Variants in SLC25A31 observed in about 807,000 individuals in gnomAD.
SLC25A31 encodes the protein solute carrier family 25 member 31, also known as ADP/ATP translocase 4.
Under a neutral mutation model 36.2 loss-of-function variants are expected in SLC25A31, and 40 were observed. The observed-to-expected ratio is 1.10, with a 90% CI of 0.86 to 1.44. SLC25A31 has a LOEUF of 1.44. SLC25A31 is among the 40% of genes most tolerant of loss of function. SLC25A31 has a pLI of 0.00. For synonymous variants in SLC25A31, 143 were observed against 149.7 expected (o/e 0.96, Z 0.32); for missense variants, 350 against 397.1 (o/e 0.88, Z 1.01).
At chr4:127,763,772 G>T (rs999523260) in intron 2 of SLC25A31, among the ~76,000 whole-genome samples, 7 of 152,104 alleles carry the variant, frequency 4.6e-5, no homozygotes, top group African/African-American at 1.7e-4. Context: ...AGTATTTTAG[G>T]TTGGTGCAAA....
intron 2 of SLC25A31, among the ~76,000 whole-genome samples, chr4:127,756,191 C>G (rs1732028672): frequency 6.6e-6 from 1 of 152,146 alleles, no homozygotes; most frequent in African/African-American, 2.4e-5. Context: ...CGGAAGCAAC[C>G]TAAGTGTCCA....
At position 127,762,389 on chromosome 4, in the gene SLC25A31, CAG is replaced by C. The variant is rs539631653; in HGVS notation, c.361-1852_361-1851del. On this transcript the variant is annotated intron_variant, in intron 2 of 5. Coordinates refer to ENST00000281154, the MANE Select transcript of SLC25A31 (RefSeq NM_031291.4). ...TCCAGGATAAGCAAATATATAGAGA[CAG>C]AAAGTAGTTTAATGGTTGCCTAGGA... Among the ~76,000 whole-genome samples, 56 of 152,092 alleles carry C rather than the reference CAG, an allele frequency of 3.7e-4. 1 individual carries two copies. Among genetic ancestry groups the C allele is most frequent in the African/African-American group, 1.4e-3 (56 of 41,478 alleles).
intron 5 of SLC25A31, among the ~76,000 whole-genome samples, chr4:127,771,549 T>C (rs1005865130): frequency 6.6e-6 from 1 of 152,352 alleles, no homozygotes; most frequent in Non-Finnish European, 1.5e-5. Context: ...AATCTGCAAC[T>C]AATATCAGTG....
intron 2 of SLC25A31, among the ~76,000 whole-genome samples, chr4:127,748,699 A>G (rs1249893179): frequency 6.6e-6 from 1 of 152,196 alleles, no homozygotes; most frequent in Non-Finnish European, 1.5e-5. Flanking sequence ...AGCAGCAGCC[A>G]TGTGACTTGG....
intron 2 of SLC25A31, among the ~76,000 whole-genome samples, chr4:127,755,171 C>T: frequency 6.6e-6 from 1 of 152,154 alleles, no homozygotes; most frequent in East Asian, 1.9e-4. Context: ...AATATGAGAC[C>T]TGAAACATAA....
chr4:127,730,805 C>A, intron 1 of SLC25A31, 28 bp downstream of exon 1: 1 of 1,582,414 alleles, frequency 6.3e-7, no homozygotes, highest in Non-Finnish European at 8.6e-7. Flanking sequence ...GCCCCGACAG[C>A]CTCTCCCGGC....
At chr4:127,735,016 A>G (rs1397094289) in intron 1 of SLC25A31, among the ~76,000 whole-genome samples, 1 of 152,222 alleles carries the variant, frequency 6.6e-6, no homozygotes, top group South Asian at 2.1e-4. Flanking sequence ...TTCTATTATC[A>G]GGTTTTAACT....
intron 1 of SLC25A31, among the ~76,000 whole-genome samples, chr4:127,732,056 C>T (rs1731536993): frequency 6.6e-6 from 1 of 152,046 alleles, no homozygotes; most frequent in Non-Finnish European, 1.5e-5. Flanking sequence ...CAAAATGGCT[C>T]CCAAGTTAGC....
intron 2 of SLC25A31, among the ~76,000 whole-genome samples, chr4:127,751,144 G>T (rs1053808197): frequency 1.3e-5 from 2 of 152,140 alleles, no homozygotes; most frequent in Non-Finnish European, 2.9e-5. Flanking sequence ...AACAAAGCTG[G>T]AGACATCACG....
intron 5 of SLC25A31, 46 bp downstream of exon 5, chr4:127,768,923 T>C (rs1470989008): frequency 2.0e-6 from 3 of 1,500,264 alleles, no homozygotes; most frequent in Non-Finnish European, 1.8e-6. Context: ...TTTTAATATC[T>C]CTGATATTTA....
At chr4:127,753,794 A>AG (rs1731980118) in intron 2 of SLC25A31, among the ~76,000 whole-genome samples, 1 of 152,110 alleles carries the variant, frequency 6.6e-6, no homozygotes, top group African/African-American at 2.4e-5. Flanking sequence ...AGAAGGCAAC[A>AG]CCTTCAGACT....
At chr4:127,760,326 T>A (rs1490972219) in intron 2 of SLC25A31, among the ~76,000 whole-genome samples, 1 of 152,230 alleles carries the variant, frequency 6.6e-6, no homozygotes, top group Non-Finnish European at 1.5e-5. Context: ...TTTCACTGAA[T>A]CTTCACTTCA....
At chr4:127,766,999 T>G in intron 3 of SLC25A31, 67 bp from the exon 4 acceptor site, 1 of 1,346,912 alleles carries the variant, frequency 7.4e-7, no homozygotes. Context: ...CTGTAAAGGT[T>G]TATTTTGATT....
intron 2 of SLC25A31, among the ~76,000 whole-genome samples, chr4:127,751,216 A>G (rs1330800622): frequency 6.6e-6 from 1 of 152,202 alleles, no homozygotes; most frequent in Non-Finnish European, 1.5e-5. Context: ...TACTGGTATC[A>G]AAACAGAGAT....
intron 1 of SLC25A31, among the ~76,000 whole-genome samples, chr4:127,740,219 A>C (rs1387888444): frequency 6.6e-6 from 1 of 152,106 alleles, no homozygotes; most frequent in Non-Finnish European, 1.5e-5. Context: ...ATTTTAATGC[A>C]GGTAGGATTT....
chr4:127,752,426 G>A (rs898840163), intron 2 of SLC25A31, among the ~76,000 whole-genome samples: 4 of 152,086 alleles, frequency 2.6e-5, no homozygotes, highest in Non-Finnish European at 5.9e-5. Flanking sequence ...TTGTGGGGTA[G>A]GGGGAGGGGG....
At chr4:127,736,458 A>G (rs1325785680) in intron 1 of SLC25A31, among the ~76,000 whole-genome samples, 1 of 152,236 alleles carries the variant, frequency 6.6e-6, no homozygotes. Context: ...GTATGACTAG[A>G]GAGTCAAAAC....
intron 1 of SLC25A31, among the ~76,000 whole-genome samples, chr4:127,740,387 G>A (rs1410956074): frequency 1.3e-5 from 2 of 152,116 alleles, no homozygotes; most frequent in East Asian, 3.8e-4. Flanking sequence ...AGGGGCTTTT[G>A]ACTTTGCTTC....
At chr4:127,772,786 C>CTTT (rs750539361) in intron 5 of SLC25A31, among the ~76,000 whole-genome samples, 1 of 131,410 alleles carries the variant, frequency 7.6e-6, no homozygotes, top group Non-Finnish European at 1.7e-5. Flanking sequence ...TTTTTTTTTT[C>CTTT]TTTTTTTTTT....
Sources: allele counts gnomAD v4.1 joint callset (sites outside exome capture counted in the v4.1 genomes callset), GRCh38; gene constraint gnomAD v4.1.1; transcripts MANE v1.5; gene names NCBI Gene and HGNC (gene_info 2026-07-23, HGNC 2026-07-21).